The following NTRK1 variants were observed in gnomAD, a reference collection of about 807,000 sequenced individuals.
The protein encoded by NTRK1 is neurotrophic receptor tyrosine kinase 1, also known as high affinity nerve growth factor receptor.
A neutral mutation model predicts 86.8 loss-of-function variants in NTRK1; 62 were observed. That is an observed-to-expected ratio of 0.71 (90% CI 0.58 to 0.88). NTRK1 has a LOEUF of 0.88. Ranked by LOEUF, NTRK1 falls within the 40% of genes least tolerant of loss-of-function variation. The pLI is 0.00. For missense variants in NTRK1, 967 were observed against 1,078.4 expected (o/e 0.90, Z 1.45); for synonymous variants, 469 against 456.6 (o/e 1.03, Z -0.35).
At chr1:156,823,509 C>A (rs1307678582) in intron 1 of NTRK1, among the ~76,000 whole-genome samples, 2 of 152,188 alleles carry the variant, frequency 1.3e-5, no homozygotes, top group East Asian at 3.9e-4. Context: ...GGATACCATG[C>A]TGAGAGATCA....
chr1:156,849,271 G>A lies in NTRK1; in HGVS notation c.50+7078G>A. 1.9e-6 allele frequency: 3 copies of A among 1,613,964 alleles called. No individual in the cohort carries two copies. In the South Asian group the frequency reaches 3.3e-5, roughly 18 times the overall value. Reference sequence around the variant, plus strand: ...AGGCGGCGCGGTCTCCGTTGGTGCGGGGGTTGATCTCAGCCTTGTTCTGCC... The same window carrying A: ...AGGCGGCGCGGTCTCCGTTGGTGCGAGGGTTGATCTCAGCCTTGTTCTGCC... On this transcript the variant is annotated intron_variant, in intron 2 of 16. Transcript: ENST00000392302.
At chr1:156,880,255 C>A in intron 16 of NTRK1, 98 bp downstream of exon 16, 2 of 1,367,396 alleles carry the variant, frequency 1.5e-6, no homozygotes, top group Non-Finnish European at 2.0e-6. Flanking sequence ...TGCCCCTCTG[C>A]CACAGCCTGT....
chr1:156,854,245 G>A lies in NTRK1; in HGVS notation c.51-10109G>A. ...TCTGCAGGTGGCCCTCCACCACGCT[G>A]CAGTTCTCCAGCTGACGAAGCTCTG... is the stretch of plus-strand genomic sequence containing the variant. On this transcript the variant is annotated intron_variant, in intron 2 of 16. Transcript: ENST00000392302. The surrounding 1 kb of genome is among the most constrained non-coding windows in gnomAD (Gnocchi z 4.2). 1.2e-6 allele frequency: 2 copies of A among 1,613,812 alleles called. No homozygotes were observed. The highest frequency in any genetic ancestry group is 1.7e-6 in the Non-Finnish European group (2 of 1,180,000).
At chr1:156,845,796 C>T (rs1413348901) in intron 2 of NTRK1, 2 of 1,612,506 alleles carry the variant, frequency 1.2e-6, no homozygotes, top group African/African-American at 2.7e-5. Context: ...ATCGTTGTTG[C>T]TGGTGGGCAG....
intron 2 of NTRK1, among the ~76,000 whole-genome samples, chr1:156,855,176 T>TTATCTATCTATCTATCTATC (rs142014665): frequency 0.14 from 20,352 of 143,358 alleles, 1,684 homozygotes; most frequent in Admixed American, 0.15. Context: ...CCATCCAATT[T>TTATCTATCTATCTATCTATC]TATCTATCTA....
At position 156,854,249 on chromosome 1, in the gene NTRK1, T is replaced by A. The variant is rs1032557966; in HGVS notation, c.51-10105T>A. ...CAGGTGGCCCTCCACCACGCTGCAGTTCTCCAGCTGACGAAGCTCTGCCAC... is the reference window on the plus strand; with the variant it reads ...CAGGTGGCCCTCCACCACGCTGCAGATCTCCAGCTGACGAAGCTCTGCCAC... On this transcript the variant is annotated intron_variant, in intron 2 of 16. Transcript: ENST00000392302. This position sits in a 1 kb window ranked among gnomAD's most constrained non-coding sequence, Gnocchi z 4.2. The A allele has an allele frequency of 6.2e-7, 1 of 1,613,678 alleles. No homozygotes were observed. Among genetic ancestry groups the A allele is most frequent in the Non-Finnish European group, 8.5e-7 (1 of 1,179,988 alleles).
At chr1:156,853,861 A>G (rs1303670738) in intron 2 of NTRK1, 1 of 1,614,066 alleles carries the variant, frequency 6.2e-7, no homozygotes, top group Non-Finnish European at 8.5e-7. Flanking sequence ...ACACGTCAGC[A>G]CACTCCTCGC....
chr1:156,837,426 CA>C (rs2102847817), intron 1 of NTRK1, among the ~76,000 whole-genome samples: 1 of 152,352 alleles, frequency 6.6e-6, no homozygotes, highest in Admixed American at 6.5e-5. Context: ...CCCTAGTGAT[CA>C]CTTACTAGTG....
chr1:156,874,519 G>A (rs2102909637), intron 9 of NTRK1, 52 bp from the exon 10 acceptor site: 2 of 1,611,452 alleles, frequency 1.2e-6, no homozygotes, highest in Non-Finnish European at 1.7e-6. Context: ...GGGGGTTACT[G>A]GAGGCTACAG....
At chr1:156,877,659 T>C (rs1478979936) in intron 14 of NTRK1, among the ~76,000 whole-genome samples, 1 of 152,238 alleles carries the variant, frequency 6.6e-6, no homozygotes, top group Non-Finnish European at 1.5e-5. Flanking sequence ...CAAGTAGCTT[T>C]CCTCTCTGAC....
intron 1 of NTRK1, among the ~76,000 whole-genome samples, chr1:156,839,856 A>G (rs1014388793): frequency 6.6e-6 from 1 of 152,186 alleles, no homozygotes; most frequent in Admixed American, 6.5e-5. Flanking sequence ...GGTCCTGAGC[A>G]GGAGATAATA....
intron 1 of NTRK1, chr1:156,841,366 T>C: frequency 1.9e-6 from 3 of 1,607,946 alleles, no homozygotes; most frequent in Non-Finnish European, 2.6e-6. Flanking sequence ...AGATCAACAA[T>C]GAGGAAGGGG....
At chr1:156,828,556 G>A (rs927129710) in intron 1 of NTRK1, among the ~76,000 whole-genome samples, 3 of 152,232 alleles carry the variant, frequency 2.0e-5, no homozygotes, top group African/African-American at 7.2e-5. Flanking sequence ...GCGCAGTCGC[G>A]GGTCGGCCTC....
chr1:156,842,415 A>G lies in NTRK1; in HGVS notation c.50+222A>G, dbSNP rs780515979. The G allele has an allele frequency of 8.1e-6, 13 of 1,613,964 alleles. No homozygotes were observed. In the East Asian group the frequency reaches 2.7e-4, roughly 33 times the overall value. On this transcript the variant is annotated intron_variant, in intron 2 of 16. Coordinates refer to the NTRK1 transcript ENST00000392302. ...GTCCCTACCTCTGCCTCAGGCCGCAAAGATCGAAGATGGCTCTTGAGGTCC... is the reference window on the plus strand; with the variant it reads ...GTCCCTACCTCTGCCTCAGGCCGCAGAGATCGAAGATGGCTCTTGAGGTCC...
In NTRK1 at chr1:156,868,551, G is replaced by C; in HGVS notation, c.621G>C (p.Val207=). 1.3e-6 allele frequency: 2 copies of C among 1,557,680 alleles called. No homozygotes were observed. Among genetic ancestry groups the C allele is most frequent in the South Asian group, 2.4e-5 (2 of 84,478 alleles). ...AGGTGCCCAATGCCTCGGTGGATGT[G>C]GGGGACGACGTGCTGCTGCGGTGCC... ...KVQVPNASVD[V]GDDVLLRCQV... The change falls in exon 6 of 17, where the codon GTG becomes GTC. Residue 207 remains valine (V), a synonymous_variant. Transcript: ENST00000524377.
intron 1 of NTRK1, among the ~76,000 whole-genome samples, chr1:156,861,786 T>C (rs1553260478): frequency 6.6e-6 from 1 of 152,148 alleles, no homozygotes; most frequent in Non-Finnish European, 1.5e-5. Context: ...TCCAACCTTG[T>C]CTCTCTACCT....
rs1472915657 is a variant in NTRK1 at position 156,854,894 on chromosome 1, C to T, written c.51-9460C>T. On this transcript the variant is annotated intron_variant, in intron 2 of 16. Transcript: ENST00000392302. The surrounding 1 kb of genome is among the most constrained non-coding windows in gnomAD (Gnocchi z 4.2). ...TTATAACCCCCCGTGACTTCCATCT[C>T]TCTTGATCTTACTACAGCCTACAGG... Among the ~76,000 whole-genome samples the T allele has an allele frequency of 1.3e-5, 2 of 152,176 alleles. No individual in the cohort carries two copies. Among genetic ancestry groups the T allele is most frequent in the East Asian group, 1.9e-4 (1 of 5,192 alleles).
At chr1:156,862,380 C>T (rs1450087204) in intron 1 of NTRK1, among the ~76,000 whole-genome samples, 1 of 152,166 alleles carries the variant, frequency 6.6e-6, no homozygotes, top group African/African-American at 2.4e-5. Context: ...GTCCAGTTCT[C>T]TCATCACCCT....
At chr1:156,842,409 G>T (rs1654833976) in intron 2 of NTRK1, 3 of 1,613,824 alleles carry the variant, frequency 1.9e-6, no homozygotes, top group Non-Finnish European at 8.5e-7. Context: ...TCTGCCTCAG[G>T]CCGCAAAGAT....
Sources: gnomAD v4.1 joint callset for allele counts (sites outside exome capture counted in the v4.1 genomes callset) on GRCh38, gnomAD v4.1.1 for gene constraint, Gnocchi (gnomAD v3.1) non-coding constraint, MANE v1.5 for transcripts, NCBI Gene and HGNC (gene_info 2026-07-23, HGNC 2026-07-21) for gene names.